CNTNAP2: variants seen among roughly 807,000 people sequenced by gnomAD.
CNTNAP2 encodes the protein contactin associated protein 2.
A neutral mutation model predicts 155.2 loss-of-function variants in CNTNAP2; 98 were observed. The observed-to-expected ratio is 0.63, with a 90% CI of 0.54 to 0.75. The LOEUF (loss-of-function observed/expected upper bound fraction) is 0.75, where lower values mean the gene tolerates loss of function less well. Among genes scored for constraint, CNTNAP2 ranks in the 30% least tolerant of loss-of-function variants. The probability of loss-of-function intolerance (pLI) is 0.00; values close to 1 mark genes in which losing one functional copy is unlikely to be tolerated. For synonymous variants in CNTNAP2, 651 were observed against 631.2 expected, an observed-to-expected ratio of 1.03 and a Z score of -0.47; for missense variants, 1,727 against 1,688.1, an observed-to-expected ratio of 1.02 and a Z score of -0.40.
At chr7:146,441,867 A>G (rs1290065942) in intron 1 of CNTNAP2, among the ~76,000 whole-genome samples, 1 of 151,680 alleles carries the variant, frequency 6.6e-6, no homozygotes, top group Non-Finnish European at 1.5e-5. Flanking sequence ...AGAAACAAAC[A>G]AACAAAAGAG....
chr7:147,748,606 C>A (rs1278238621), intron 13 of CNTNAP2, among the ~76,000 whole-genome samples: 1 of 152,230 alleles, frequency 6.6e-6, no homozygotes, highest in Non-Finnish European at 1.5e-5. Context: ...TTTCTCCCTG[C>A]ACCTCAGGTC....
At chr7:148,217,161 A>G (rs1287920093) in intron 18 of CNTNAP2, 127 bp from the exon 19 acceptor site, 42 of 843,722 alleles carry the variant, frequency 5.0e-5, no homozygotes, top group East Asian at 4.4e-4. Flanking sequence ...ATCTTTCTCC[A>G]TAGAACTTAC....
intron 8 of CNTNAP2, among the ~76,000 whole-genome samples, chr7:147,219,837 G>A (rs1261722353): frequency 6.6e-6 from 1 of 151,792 alleles, no homozygotes; most frequent in Non-Finnish European, 1.5e-5. Context: ...GTGCAGTGGC[G>A]CCATCTCGGC....
chr7:146,708,785 G>C (rs1801011510), intron 1 of CNTNAP2, among the ~76,000 whole-genome samples: 1 of 151,332 alleles, frequency 6.6e-6, no homozygotes, highest in South Asian at 2.1e-4. Context: ...TTGTGGTTTT[G>C]CCTTGTTAGC....
chr7:148,181,654 G>T (rs560163627), intron 18 of CNTNAP2, among the ~76,000 whole-genome samples: 2 of 148,632 alleles, frequency 1.3e-5, no homozygotes. Context: ...CAAGTCCTCC[G>T]TAAACTGTTC....
At chr7:147,702,055 GTTTTTTT>G (rs553693695) in intron 13 of CNTNAP2, among the ~76,000 whole-genome samples, 1 of 111,908 alleles carries the variant, frequency 8.9e-6, no homozygotes. Flanking sequence ...ACTTTGGTTG[GTTTTTTT>G]TTTTTTTTTT....
intron 1 of CNTNAP2, among the ~76,000 whole-genome samples, chr7:146,467,751 T>C (rs1458245132): frequency 6.6e-6 from 1 of 152,112 alleles, no homozygotes; most frequent in Non-Finnish European, 1.5e-5. Context: ...TGAATTCAGG[T>C]AAAGTTGATC....
intron 9 of CNTNAP2, among the ~76,000 whole-genome samples, chr7:147,387,801 A>T (rs1796648226): frequency 6.6e-6 from 1 of 152,122 alleles, no homozygotes; most frequent in Non-Finnish European, 1.5e-5. Flanking sequence ...CGTTCATTAG[A>T]TGGGGGTGGT....
At chr7:148,188,016 C>T (rs534082446) in intron 18 of CNTNAP2, among the ~76,000 whole-genome samples, 1 of 152,268 alleles carries the variant, frequency 6.6e-6, no homozygotes, top group South Asian at 2.1e-4. Context: ...CACACACACA[C>T]ACAAAGCCAC....
At chr7:146,432,922 G>A (rs1373614461) in intron 1 of CNTNAP2, among the ~76,000 whole-genome samples, 1 of 152,060 alleles carries the variant, frequency 6.6e-6, no homozygotes, top group South Asian at 2.1e-4. Flanking sequence ...ATCACTCCAC[G>A]GCCTAGGCCT....
intron 1 of CNTNAP2, among the ~76,000 whole-genome samples, chr7:146,214,086 T>C (rs1426125680): frequency 1.3e-5 from 2 of 152,194 alleles, no homozygotes; most frequent in African/African-American, 4.8e-5. Flanking sequence ...CTACACAATA[T>C]ATGTGCATTG....
intron 22 of CNTNAP2, 134 bp from the exon 23 acceptor site, chr7:148,409,257 C>T (rs910181734): frequency 1.4e-5 from 10 of 724,806 alleles, no homozygotes; most frequent in Admixed American, 6.1e-5. Flanking sequence ...AATGGCAAGA[C>T]GGGTCCATCT....
At chr7:147,547,672 C>T (rs1471232518) in intron 11 of CNTNAP2, among the ~76,000 whole-genome samples, 1 of 151,916 alleles carries the variant, frequency 6.6e-6, no homozygotes, top group African/African-American at 2.4e-5. Context: ...GATACATGTG[C>T]AGAACATGCA....
chr7:146,949,986 C>G (rs1797275600), intron 3 of CNTNAP2, among the ~76,000 whole-genome samples: 1 of 152,126 alleles, frequency 6.6e-6, no homozygotes, highest in Non-Finnish European at 1.5e-5. Flanking sequence ...AATTGGTGCT[C>G]ATCTGTCAGG....
At chr7:148,106,316 C>T (rs10241143) in intron 15 of CNTNAP2, among the ~76,000 whole-genome samples, 24,655 of 151,638 alleles carry the variant, frequency 0.16, 5,541 homozygotes, top group African/African-American at 0.51. Flanking sequence ...AACTTATGCA[C>T]AAATTTGGGA....
chr7:147,545,223 G>A (rs1489408031), intron 11 of CNTNAP2, among the ~76,000 whole-genome samples: 2 of 152,130 alleles, frequency 1.3e-5, no homozygotes, highest in East Asian at 1.9e-4. Context: ...GATGCCTTTT[G>A]TGCTCAACAA....
intron 1 of CNTNAP2, among the ~76,000 whole-genome samples, chr7:146,285,325 T>C (rs755818552): frequency 7.2e-5 from 11 of 152,078 alleles, no homozygotes; most frequent in Non-Finnish European, 1.5e-4. Flanking sequence ...ATAAGTGCAT[T>C]CACATTTCAC....
At chr7:146,301,539 T>A (rs1800610393) in intron 1 of CNTNAP2, among the ~76,000 whole-genome samples, 1 of 151,968 alleles carries the variant, frequency 6.6e-6, no homozygotes, top group African/African-American at 2.4e-5. Context: ...GGCAGGAGAA[T>A]GGTGTGAACC....
chr7:146,288,828 A>G (rs1334297102), intron 1 of CNTNAP2, among the ~76,000 whole-genome samples: 1 of 123,370 alleles, frequency 8.1e-6, no homozygotes, highest in East Asian at 2.2e-4. Context: ...TTTTTGAGAC[A>G]GAATCTAGCT....
Sources: allele counts gnomAD v4.1 joint callset (sites outside exome capture counted in the v4.1 genomes callset), GRCh38; gene constraint gnomAD v4.1.1; transcripts MANE v1.5; gene names NCBI Gene and HGNC (gene_info 2026-07-23, HGNC 2026-07-21).